ATL2: variants seen among roughly 807,000 people sequenced by gnomAD.
ATL2 encodes the protein atlastin-2.
In ATL2, 31 loss-of-function variants were observed where a neutral mutation model predicts 73.9. That is an observed-to-expected ratio of 0.42 (90% CI 0.32 to 0.57). The LOEUF is 0.57. Ranked by LOEUF, ATL2 falls within the 20% of genes least tolerant of loss-of-function variation. ATL2 has a pLI of 0.14. For missense variants in ATL2, 738 were observed against 702.6 expected, an observed-to-expected ratio of 1.05 and a Z score of -0.57; for synonymous variants, 291 against 237.5, an observed-to-expected ratio of 1.23 and a Z score of -2.07.
At position 38,294,333 on chromosome 2, in the gene ATL2, G is replaced by A. The variant is rs1282854519; in HGVS notation, c.*1661C>T. Among the ~76,000 whole-genome samples the A allele has an allele frequency of 6.6e-6, 1 of 152,220 alleles. No homozygotes were observed. Among genetic ancestry groups the A allele is most frequent in the East Asian group, 1.9e-4 (1 of 5,194 alleles). On this transcript the variant is annotated 3_prime_UTR_variant, in exon 13 of 13. Coordinates refer to ENST00000378954, the MANE Select transcript of ATL2 (RefSeq NM_001135673.4). ...GGAGGCCAAGGCAGGCGGATCACAA[G>A]GTCAGGCGATTGAGACCATCCTGGC...
At chr2:38,322,148 G>A (rs946611569) in intron 2 of ATL2, among the ~76,000 whole-genome samples, 5 of 151,444 alleles carry the variant, frequency 3.3e-5, no homozygotes, top group African/African-American at 1.2e-4. Context: ...GCCTTGCACT[G>A]TTGTAAGTTC....
chr2:38,322,897 C>A (rs1289071135), intron 2 of ATL2, among the ~76,000 whole-genome samples: 1 of 152,050 alleles, frequency 6.6e-6, no homozygotes, highest in Non-Finnish European at 1.5e-5. Flanking sequence ...ACAACAACAA[C>A]AAAGATGAAA....
At position 38,332,511 on chromosome 2, in the gene ATL2, A is replaced by C. The variant is rs1038711981; in HGVS notation, c.363+10757T>G. Among the ~76,000 whole-genome samples, 10 of 152,180 alleles carry C rather than the reference A, an allele frequency of 6.6e-5. 1 individual carries two copies. Among genetic ancestry groups the C allele is most frequent in the Non-Finnish European group, 1.0e-4 (7 of 68,018 alleles). ...ACGAGCCACCATGCCCCGCCAATGG[A>C]AACATTTTTAAATTAATTGGGGTAA... is the stretch of plus-strand genomic sequence containing the variant. On this transcript the variant is annotated intron_variant, in intron 2 of 12. Coordinates refer to ENST00000378954, the MANE Select transcript of ATL2 (RefSeq NM_001135673.4).
At chr2:38,374,247 T>C (rs867072634) in intron 1 of ATL2, among the ~76,000 whole-genome samples, 1 of 152,354 alleles carries the variant, frequency 6.6e-6, no homozygotes, top group South Asian at 2.1e-4. Context: ...TATCATGTGC[T>C]GTGTGGAGGA....
intron 2 of ATL2, among the ~76,000 whole-genome samples, chr2:38,337,486 C>CAAAAAAAAAAAAAAAAAAAAAAAA (rs755029194): frequency 1.8e-4 from 4 of 21,658 alleles, no homozygotes; most frequent in East Asian, 1.7e-3. Context: ...ACTCTGTCTC[C>CAAAAAAAAAAAAAAAAAAAAAAAA]AAAAAAAAAA....
chr2:38,342,015 C>A (rs1669748844), intron 2 of ATL2, among the ~76,000 whole-genome samples: 1 of 152,198 alleles, frequency 6.6e-6, no homozygotes, highest in African/African-American at 2.4e-5. Flanking sequence ...GTGCTCCACT[C>A]CAAAATTTCC....
intron 2 of ATL2, among the ~76,000 whole-genome samples, chr2:38,336,458 G>C (rs868289575): frequency 2.0e-5 from 3 of 152,298 alleles, no homozygotes; most frequent in African/African-American, 4.8e-5. Flanking sequence ...ATTGAGCTTA[G>C]ATACCAGTGC....
upstream of ATL2, chr2:38,377,339 G>C (rs1276293359): frequency 7.6e-7 from 1 of 1,315,942 alleles, no homozygotes; most frequent in Non-Finnish European, 1.0e-6. Context: ...AGCCGGCGGG[G>C]TGGCCGGCGG....
At chr2:38,344,031 C>A (rs190310441) in intron 1 of ATL2, among the ~76,000 whole-genome samples, 2 of 152,194 alleles carry the variant, frequency 1.3e-5, no homozygotes, top group South Asian at 2.1e-4. Context: ...GTCTTTATTA[C>A]CAGCATGAAA....
chr2:38,334,687 A>C (rs934482272), intron 2 of ATL2, among the ~76,000 whole-genome samples: 1 of 151,070 alleles, frequency 6.6e-6, no homozygotes, highest in Non-Finnish European at 1.5e-5. Flanking sequence ...AACATGAACG[A>C]AACTCCGTCT....
At position 38,294,365 on chromosome 2, in the gene ATL2, G is replaced by T. The variant is rs767691297; in HGVS notation, c.*1629C>A. ...CGATTGAGACCATCCTGGCTAAAAC[G>T]GTGAAACCCCATCTCTACTTAAAAT... is the stretch of plus-strand genomic sequence containing the variant. On this transcript the variant is annotated 3_prime_UTR_variant, in exon 13 of 13. Coordinates refer to ENST00000378954, the MANE Select transcript of ATL2 (RefSeq NM_001135673.4). 1.3e-5 allele frequency among the ~76,000 whole-genome samples: 2 copies of T among 152,164 alleles called. No homozygotes were observed. The highest frequency in any genetic ancestry group is 6.5e-5 in the Admixed American group (1 of 15,278).
chr2:38,363,280 T>A (rs569005786), intron 1 of ATL2, among the ~76,000 whole-genome samples: 54 of 151,412 alleles, frequency 3.6e-4, no homozygotes, highest in African/African-American at 1.3e-3. Flanking sequence ...GCATGTCTGC[T>A]GAATAAACTC....
intron 8 of ATL2, 78 bp from the exon 9 acceptor site, chr2:38,309,584 T>C (rs368846327): frequency 2.1e-6 from 3 of 1,415,752 alleles, no homozygotes. Flanking sequence ...TAAAATTCTG[T>C]TTTATGAAAT....
At position 38,300,297 on chromosome 2, in the gene ATL2, A is replaced by T; in HGVS notation, c.1103T>A (p.Leu368His). Residue 368 changes from leucine (L) to histidine (H), a missense_variant, in exon 10 of 13, where the codon CTT (leucine) becomes CAT (histidine). Physicochemically the swap from Leu to His is moderately conservative, Grantham distance 99. Transcript: ENST00000378954. ...CTGAAGCATGGACTTTGGATGTGGA[A>T]GTTCTTCTCCTTGATAGATTTTGAT... ...AYIKIYQGEE[L>H]PHPKSMLQAT... 6.2e-7 allele frequency: 1 copy of T among 1,608,038 alleles called. No individual in the cohort carries two copies. The highest frequency in any genetic ancestry group is 8.5e-7 in the Non-Finnish European group (1 of 1,174,838).
At chr2:38,341,561 A>T (rs1669720227) in intron 2 of ATL2, among the ~76,000 whole-genome samples, 1 of 152,118 alleles carries the variant, frequency 6.6e-6, no homozygotes. Context: ...TCACTTGAGC[A>T]GAGGAGGTTG....
chr2:38,336,644 CA>C (rs1669372104), intron 2 of ATL2, among the ~76,000 whole-genome samples: 1 of 152,132 alleles, frequency 6.6e-6, no homozygotes, highest in African/African-American at 2.4e-5. Context: ...CATAATTTTA[CA>C]TAATAGTTTT....
intron 2 of ATL2, among the ~76,000 whole-genome samples, chr2:38,333,681 A>G (rs1669132823): frequency 6.6e-6 from 1 of 152,216 alleles, no homozygotes; most frequent in Non-Finnish European, 1.5e-5. Context: ...AATATTTATG[A>G]TACTGCAAAA....
chr2:38,317,024 T>C (rs1668059348), intron 4 of ATL2, among the ~76,000 whole-genome samples: 1 of 151,908 alleles, frequency 6.6e-6, no homozygotes, highest in Admixed American at 6.6e-5. Flanking sequence ...AGCTGAAGAG[T>C]ATTCTTCTTT....
At chr2:38,300,905 T>C (rs1304462589) in intron 9 of ATL2, among the ~76,000 whole-genome samples, 2 of 150,350 alleles carry the variant, frequency 1.3e-5, no homozygotes, top group East Asian at 3.9e-4. Context: ...AACTAATTTG[T>C]GGTTTAAGAG....
Sources: allele counts gnomAD v4.1 joint callset (sites outside exome capture counted in the v4.1 genomes callset), GRCh38; gene constraint gnomAD v4.1.1; transcripts MANE v1.5; gene names NCBI Gene and HGNC (gene_info 2026-07-23, HGNC 2026-07-21).